ARL15: variants seen among roughly 807,000 people sequenced by gnomAD.
The protein encoded by ARL15 is ADP-ribosylation factor-like protein 15.
ARL15 carries 19 observed loss-of-function variants against 25.2 expected under a neutral mutation model. The observed-to-expected ratio is 0.75, with a 90% CI of 0.53 to 1.10. The LOEUF is 1.10. ARL15 is among the 50% of genes least tolerant of loss of function. The probability of loss-of-function intolerance (pLI) is 0.00; values close to 1 mark genes in which losing one functional copy is unlikely to be tolerated. For missense variants in ARL15, 220 were observed against 246.0 expected, an observed-to-expected ratio of 0.89 and a Z score of 0.71; for synonymous variants, 94 against 86.8, an observed-to-expected ratio of 1.08 and a Z score of -0.46.
intron 1 of ARL15, among the ~76,000 whole-genome samples, chr5:54,245,863 C>A (rs1020797155): frequency 4.6e-5 from 7 of 152,136 alleles, no homozygotes; most frequent in Non-Finnish European, 8.8e-5. Context: ...GCTGAGATTA[C>A]GGGCACGAGC....
At chr5:54,025,434 C>G (rs1307152460) in intron 4 of ARL15, among the ~76,000 whole-genome samples, 1 of 152,018 alleles carries the variant, frequency 6.6e-6, no homozygotes. Flanking sequence ...TTAATTGGAA[C>G]CTTGAATATA....
intron 4 of ARL15, among the ~76,000 whole-genome samples, chr5:54,023,560 T>C (rs1749683510): frequency 1.3e-5 from 2 of 151,582 alleles, no homozygotes; most frequent in African/African-American, 4.8e-5. Context: ...TGGAACTATA[T>C]GTACACATTA....
chr5:54,046,092 C>G (rs1426037053), intron 4 of ARL15, among the ~76,000 whole-genome samples: 2 of 152,090 alleles, frequency 1.3e-5, no homozygotes. Context: ...ATTATATATT[C>G]TTATTGATTG....
At chr5:53,934,770 T>A (rs1259021641) in intron 4 of ARL15, among the ~76,000 whole-genome samples, 1 of 152,220 alleles carries the variant, frequency 6.6e-6, no homozygotes, top group Admixed American at 6.5e-5. Context: ...AAATAAAAAT[T>A]AAGTGTTCAC....
rs542174403 is a variant in ARL15 at position 54,070,566 on chromosome 5, T to A, written c.462+42636A>T. 9.2e-5 allele frequency among the ~76,000 whole-genome samples: 14 copies of A among 152,020 alleles called. No homozygotes were observed. The South Asian group carries it at 2.9e-3, about 32-fold the overall frequency. Reference sequence around the variant, plus strand: ...ATAAGAAATACATTTCTTGGTTGGGTCTGGTGCCTCATACCTGTAATTCCA... The same window carrying A: ...ATAAGAAATACATTTCTTGGTTGGGACTGGTGCCTCATACCTGTAATTCCA... On this transcript the variant is annotated intron_variant, in intron 4 of 4. Coordinates refer to ENST00000504924, the MANE Select transcript of ARL15 (RefSeq NM_019087.3).
chr5:54,303,575 C>A (rs369756096), intron 1 of ARL15, among the ~76,000 whole-genome samples: 10 of 150,038 alleles, frequency 6.7e-5, no homozygotes, highest in East Asian at 3.9e-4. Context: ...TAGGAATGTG[C>A]CCCTGAAAGT....
intron 4 of ARL15, among the ~76,000 whole-genome samples, chr5:53,892,668 T>G (rs1322497453): frequency 6.6e-6 from 1 of 151,530 alleles, no homozygotes; most frequent in African/African-American, 2.4e-5. Flanking sequence ...TGTGGCACAA[T>G]CATAGCTCAC....
chr5:53,962,855 G>GT (rs1163922507), intron 4 of ARL15, among the ~76,000 whole-genome samples: 1 of 151,960 alleles, frequency 6.6e-6, no homozygotes, highest in Non-Finnish European at 1.5e-5. Context: ...TCAAAATAAG[G>GT]TTTTTTTATT....
rs374042962 is a variant in ARL15, at chr5:54,291,887, G to T, written c.48+18545C>A. 2.6e-4 allele frequency among the ~76,000 whole-genome samples: 39 copies of T among 152,216 alleles called. No homozygotes were observed. In the East Asian group the frequency reaches 4.6e-3, roughly 18 times the overall value. Reference sequence around the variant, plus strand: ...CCAGACCCTACGGAATCTTAACTGGGCTCCCCTGGGGCTTGGGTTCACAGC... The same window carrying T: ...CCAGACCCTACGGAATCTTAACTGGTCTCCCCTGGGGCTTGGGTTCACAGC... On this transcript the variant is annotated intron_variant, in intron 1 of 4. Transcript: ENST00000504924.
chr5:54,117,911 C>T (rs1451234357), intron 3 of ARL15, among the ~76,000 whole-genome samples: 1 of 152,128 alleles, frequency 6.6e-6, no homozygotes, highest in Non-Finnish European at 1.5e-5. Flanking sequence ...TTTAAGTGAG[C>T]CTGACAGCTT....
intron 1 of ARL15, among the ~76,000 whole-genome samples, chr5:54,241,118 G>C (rs1287783081): frequency 6.6e-6 from 1 of 152,004 alleles, no homozygotes; most frequent in African/African-American, 2.4e-5. Context: ...CTTAATCAAA[G>C]TCCCAATTCT....
intron 1 of ARL15, among the ~76,000 whole-genome samples, chr5:54,226,431 A>T (rs1163157954): frequency 6.6e-6 from 1 of 152,192 alleles, no homozygotes; most frequent in Non-Finnish European, 1.5e-5. Context: ...ATTAAAGGGA[A>T]TGCAGAAATT....
intron 4 of ARL15, among the ~76,000 whole-genome samples, chr5:54,055,558 A>T (rs1317922127): frequency 6.6e-6 from 1 of 151,864 alleles, no homozygotes; most frequent in African/African-American, 2.4e-5. Context: ...ACGAGGTTTC[A>T]CCATGTTGGC....
At chr5:54,228,136 T>C (rs1756575147) in intron 1 of ARL15, among the ~76,000 whole-genome samples, 1 of 152,162 alleles carries the variant, frequency 6.6e-6, no homozygotes, top group Non-Finnish European at 1.5e-5. Flanking sequence ...GGTCACCTGG[T>C]GCCAAACACA....
intron 3 of ARL15, among the ~76,000 whole-genome samples, chr5:54,131,859 C>T (rs1753448770): frequency 1.3e-5 from 2 of 150,938 alleles, no homozygotes; most frequent in Admixed American, 1.3e-4. Flanking sequence ...GCCGAGATCG[C>T]GCCACTGCAC....
At position 54,192,071 on chromosome 5, in the gene ARL15, T is replaced by C. The variant is rs563892531; in HGVS notation, c.49-20143A>G. Among the ~76,000 whole-genome samples, 18 of 152,292 alleles carry C rather than the reference T, an allele frequency of 1.2e-4. No individual in the cohort carries two copies. The South Asian group carries it at 3.3e-3, about 28-fold the overall frequency. ...CCTTCTTGCAGTTCCTGGCCCACGC[T>C]TGGTAACATCCAACTTCAGGACCTT... On this transcript the variant is annotated intron_variant, in intron 1 of 4. Transcript: ENST00000504924.
At chr5:54,252,943 A>G (rs1412980475) in intron 1 of ARL15, among the ~76,000 whole-genome samples, 1 of 151,828 alleles carries the variant, frequency 6.6e-6, no homozygotes, top group Middle Eastern at 3.2e-3. Flanking sequence ...CAGGCTGGTC[A>G]CAAACTCCTG....
At chr5:54,119,697 C>T (rs1753014961) in intron 3 of ARL15, among the ~76,000 whole-genome samples, 1 of 152,108 alleles carries the variant, frequency 6.6e-6, no homozygotes, top group Admixed American at 6.6e-5. Flanking sequence ...ATGAGCAAAA[C>T]GTTTTGCTCT....
At chr5:54,298,183 CCCATTGTCTA>C (rs769348448) in intron 1 of ARL15, among the ~76,000 whole-genome samples, 5 of 152,088 alleles carry the variant, frequency 3.3e-5, no homozygotes, top group Non-Finnish European at 2.9e-5. Flanking sequence ...GTTCCCGCAC[CCCATTGTCTA>C]CCTATGGATT....
Sources: allele counts gnomAD v4.1 joint callset (sites outside exome capture counted in the v4.1 genomes callset), GRCh38; gene constraint gnomAD v4.1.1; transcripts MANE v1.5; gene names NCBI Gene and HGNC (gene_info 2026-07-23, HGNC 2026-07-21).